Variants in PTGFRN observed in about 807,000 individuals in gnomAD.
PTGFRN encodes the protein prostaglandin F2 receptor inhibitor.
A neutral mutation model predicts 83.2 loss-of-function variants in PTGFRN; 35 were observed. The ratio of observed to expected loss-of-function variants is 0.42; its 90% CI spans 0.32 to 0.56. The LOEUF is 0.56. Ranked by LOEUF, PTGFRN falls within the 20% of genes least tolerant of loss-of-function variation. The pLI, the probability that PTGFRN is intolerant of heterozygous loss-of-function variation, is 0.11. For missense variants in PTGFRN, 1,051 were observed against 1,179.5 expected, an observed-to-expected ratio of 0.89 and a Z score of 1.60; for synonymous variants, 519 against 498.6, an observed-to-expected ratio of 1.04 and a Z score of -0.55.
At chr1:116,922,195 C>A (rs1264761922) in intron 1 of PTGFRN, among the ~76,000 whole-genome samples, 2 of 152,112 alleles carry the variant, frequency 1.3e-5, no homozygotes, top group Non-Finnish European at 2.9e-5. Flanking sequence ...AGGAAGCCAG[C>A]CTGCTAAATT....
chr1:116,915,400 A>G (rs1213577191), intron 1 of PTGFRN, among the ~76,000 whole-genome samples: 1 of 152,218 alleles, frequency 6.6e-6, no homozygotes, highest in African/African-American at 2.4e-5. Flanking sequence ...GAGGAAGGCC[A>G]GTGGGAGGAA....
chr1:116,984,636 T>C (rs537128618), intron 7 of PTGFRN, 44 bp from the exon 8 acceptor site: 1 of 1,583,118 alleles, frequency 6.3e-7, no homozygotes, highest in African/African-American at 1.3e-5. Flanking sequence ...ATATGACTTC[T>C]GCCCATTGCA....
At chr1:116,910,579 G>T (rs1211599706) in intron 1 of PTGFRN, among the ~76,000 whole-genome samples, 1 of 152,002 alleles carries the variant, frequency 6.6e-6, no homozygotes, top group Non-Finnish European at 1.5e-5. Flanking sequence ...CCGGGAGCCC[G>T]GCTCACCTTG....
chr1:116,940,192 C>T lies in PTGFRN; in HGVS notation c.50-1523C>T, dbSNP rs145578786. The stretch of plus-strand genomic sequence containing the variant: ...TTGCTTAAACAGACATTTATTGCCT[C>T]ACAATGCCAGAGGCCAGAAGTCTAA... On this transcript the variant is annotated intron_variant, in intron 1 of 8. Coordinates refer to ENST00000393203, the MANE Select transcript of PTGFRN (RefSeq NM_020440.4). Among the ~76,000 whole-genome samples, 525 of 152,350 alleles carry T rather than the reference C, an allele frequency of 3.4e-3. 5 individuals carry two copies. The highest frequency in any genetic ancestry group is 9.7e-3 in the African/African-American group (404 of 41,580).
At chr1:116,917,929 A>G (rs1168069805) in intron 1 of PTGFRN, among the ~76,000 whole-genome samples, 1 of 152,046 alleles carries the variant, frequency 6.6e-6, no homozygotes, top group Non-Finnish European at 1.5e-5. Context: ...CCCTTTCTTT[A>G]TCTGCACACA....
At chr1:116,947,482 A>C (rs1424217841) in intron 3 of PTGFRN, among the ~76,000 whole-genome samples, 1 of 152,110 alleles carries the variant, frequency 6.6e-6, no homozygotes, top group African/African-American at 2.4e-5. Flanking sequence ...AATGTGTGGG[A>C]CCTCTGGTTA....
At chr1:116,926,204 TATCTC>T (rs1203431099) in intron 1 of PTGFRN, among the ~76,000 whole-genome samples, 1 of 152,212 alleles carries the variant, frequency 6.6e-6, no homozygotes, top group African/African-American at 2.4e-5. Flanking sequence ...TTTCCCCAAT[TATCTC>T]AGGTGCCTTT....
chr1:116,944,739 G>T lies in PTGFRN; in HGVS notation c.479G>T (p.Arg160Leu). 6.8e-7 allele frequency: 1 copy of T among 1,480,148 alleles called. No individual in the cohort carries two copies. The highest frequency in any genetic ancestry group is 8.9e-7 in the Non-Finnish European group (1 of 1,123,046). 91.7% of individuals were successfully genotyped at this position (1,480,148 alleles called of 1,614,324 possible). ...CGGCCCCCGCCGAGCCTGAGCCTGC[G>T]GGAGGGGGAGCCCTTCGAGCTGCGC... ...SARPPPSLSL[R>L]EGEPFELRCT... Residue 160 changes from arginine (R) to leucine (L), a missense_variant, in exon 3 of 9, where the codon CGG (arginine) becomes CTG (leucine). Arg to Leu is a moderately radical substitution (Grantham distance 102, BLOSUM62 -2). Transcript: ENST00000393203.
Position 116,944,880 on chromosome 1 carries a change from CG to C in PTGFRN, c.623del (p.Gly208AlafsTer66). 3 of 1,608,826 alleles carry C rather than the reference CG, an allele frequency of 1.9e-6. No individual in the cohort carries two copies. The highest frequency in any genetic ancestry group is 1.7e-6 in the Non-Finnish European group (2 of 1,178,552). On this transcript the variant is annotated frameshift_variant, in exon 3 of 9. Transcript: ENST00000393203. LOFTEE classifies it high-confidence loss of function. Reference protein sequence around the residue: ...LALTHEGRFHPGLGYEQRYHS... With the variant: ...LALTHEGRFHXGLGYEQRYHS... ...CTGACCCACGAGGGCAGGTTCCACC[CG>C]GGCCTGGGGTACGAGCAGCGCTACC...
intron 1 of PTGFRN, among the ~76,000 whole-genome samples, chr1:116,940,437 G>C (rs1650031370): frequency 6.6e-6 from 1 of 152,088 alleles, no homozygotes; most frequent in African/African-American, 2.4e-5. Context: ...ATTGGATTAG[G>C]GGCTCACCCT....
chr1:116,933,967 A>C (rs1649859942), intron 1 of PTGFRN, among the ~76,000 whole-genome samples: 1 of 152,236 alleles, frequency 6.6e-6, no homozygotes, highest in Non-Finnish European at 1.5e-5. Context: ...CTCTTCAAAA[A>C]TTATGCCTAA....
rs1649458960 is a variant in PTGFRN at position 116,918,405 on chromosome 1, A to G, written c.49+8153A>G. ...TTTAGAAGAATGCAAACATTAGTGT[A>G]TGTAAGTTCCTAGAACTCTGCTACC... On this transcript the variant is annotated intron_variant, in intron 1 of 8. Coordinates refer to ENST00000393203, the MANE Select transcript of PTGFRN (RefSeq NM_020440.4). This position sits in a 1 kb window ranked among gnomAD's most constrained non-coding sequence, Gnocchi z 4.1. 6.6e-6 allele frequency among the ~76,000 whole-genome samples: 1 copy of G among 152,242 alleles called. No individual in the cohort carries two copies. Among genetic ancestry groups the G allele is most frequent in the Admixed American group, 6.5e-5 (1 of 15,286 alleles).
At chr1:116,910,289 C>G (rs1271038510) in intron 1 of PTGFRN, 37 bp downstream of exon 1, 2 of 1,379,790 alleles carry the variant, frequency 1.4e-6, no homozygotes, top group African/African-American at 3.1e-5. Flanking sequence ...CACACGGGGA[C>G]TGGCGAGGCC....
At chr1:116,913,508 T>C (rs1346040473) in intron 1 of PTGFRN, among the ~76,000 whole-genome samples, 4 of 152,056 alleles carry the variant, frequency 2.6e-5, no homozygotes, top group Non-Finnish European at 5.9e-5. Context: ...CATGCTGTGC[T>C]AAGGAGTCTG....
rs534261029 is a variant in PTGFRN, at chr1:116,954,796, T to A, written c.1213+5224T>A. Among the ~76,000 whole-genome samples, 497 of 152,334 alleles carry A rather than the reference T, an allele frequency of 3.3e-3. 1 individual carries two copies. Among genetic ancestry groups the A allele is most frequent in the African/African-American group, 0.011 (466 of 41,580 alleles). Reference sequence around the variant, plus strand: ...TAACTTAGCTCCTCTAACTTTTGCTTTTTGTTTGTTTTTCATTTGGAAATG... The same window carrying A: ...TAACTTAGCTCCTCTAACTTTTGCTATTTGTTTGTTTTTCATTTGGAAATG... On this transcript the variant is annotated intron_variant, in intron 4 of 8. Coordinates refer to ENST00000393203, the MANE Select transcript of PTGFRN (RefSeq NM_020440.4).
rs906534760 is a variant in PTGFRN at position 116,961,618 on chromosome 1, A to C, written c.1589A>C (p.Lys530Thr). Residue 530 changes from lysine (K) to threonine (T), a missense_variant, in exon 5 of 9, where the codon AAA becomes ACA. Transcript: ENST00000393203. The surrounding 1 kb of genome is among the most constrained non-coding windows in gnomAD (Gnocchi z 5.4). ...AAACAGCGGAACAACAGCTGGGTGA[A>C]AAGCAAGGATGTCTTCTCCAAGCCT... is the stretch of plus-strand genomic sequence containing the variant. ...WTKQRNNSWV[K>T]SKDVFSKPVN... 2 of 1,614,052 alleles carry C rather than the reference A, an allele frequency of 1.2e-6. No homozygotes were observed. Among genetic ancestry groups the C allele is most frequent in the African/African-American group, 2.7e-5 (2 of 75,042 alleles).
intron 1 of PTGFRN, among the ~76,000 whole-genome samples, chr1:116,937,756 A>C (rs1048586888): frequency 6.6e-6 from 1 of 152,164 alleles, no homozygotes; most frequent in Non-Finnish European, 1.5e-5. Flanking sequence ...CACATTAGGA[A>C]ATTCCTCTGT....
At chr1:116,957,493 T>C (rs1274976425) in intron 4 of PTGFRN, among the ~76,000 whole-genome samples, 6 of 152,148 alleles carry the variant, frequency 3.9e-5, no homozygotes, top group African/African-American at 1.4e-4. Flanking sequence ...CATGTTTTTT[T>C]AATTGACAGA....
At chr1:116,922,737 C>A (rs1649568222) in intron 1 of PTGFRN, among the ~76,000 whole-genome samples, 1 of 152,286 alleles carries the variant, frequency 6.6e-6, no homozygotes, top group East Asian at 1.9e-4. Flanking sequence ...CCAGTATGTT[C>A]ATTTAAGGCA....
Sources: gnomAD v4.1 joint callset for allele counts (sites outside exome capture counted in the v4.1 genomes callset) on GRCh38, gnomAD v4.1.1 for gene constraint, Gnocchi (gnomAD v3.1) non-coding constraint, MANE v1.5 for transcripts, NCBI Gene and HGNC (gene_info 2026-07-23, HGNC 2026-07-21) for gene names.